Variants in MBNL2 observed in about 807,000 individuals in gnomAD.
MBNL2 encodes the protein muscleblind like splicing regulator 2.
Under a neutral mutation model 41.9 loss-of-function variants are expected in MBNL2, and 17 were observed. That is an observed-to-expected ratio of 0.41 (90% CI 0.28 to 0.61). MBNL2 has a LOEUF of 0.61. MBNL2 is among the 20% of genes least tolerant of loss of function. The probability of loss-of-function intolerance (pLI) is 0.35; values close to 1 mark genes in which losing one functional copy is unlikely to be tolerated. For missense variants in MBNL2, 336 were observed against 505.6 expected (o/e 0.66, Z 3.22); for synonymous variants, 195 against 182.9 (o/e 1.07, Z -0.53).
chr13:97,223,301 C>T (rs192243602), intron 1 of MBNL2, among the ~76,000 whole-genome samples: 1 of 152,346 alleles, frequency 6.6e-6, no homozygotes, highest in Admixed American at 6.5e-5. Flanking sequence ...TGTGTTTTCA[C>T]TATGCCGAAC....
intron 2 of MBNL2, among the ~76,000 whole-genome samples, chr13:97,305,136 AAAT>A (rs2058009059): frequency 6.6e-6 from 1 of 152,250 alleles, no homozygotes; most frequent in Non-Finnish European, 1.5e-5. Flanking sequence ...TAAAAAGGTA[AAAT>A]TCCAGTTAGC....
At chr13:97,206,362 A>C in the MBNL2 span, among the ~76,000 whole-genome samples, 1 of 151,878 alleles carries the variant, frequency 6.6e-6, no homozygotes, top group Admixed American at 6.6e-5. Flanking sequence ...ATATATTAAG[A>C]TCTCTCAGCT....
At chr13:97,248,715 C>G (rs977343855) in intron 1 of MBNL2, among the ~76,000 whole-genome samples, 1 of 152,152 alleles carries the variant, frequency 6.6e-6, no homozygotes, top group African/African-American at 2.4e-5. Flanking sequence ...TTAGAATCCT[C>G]TCTTTCTTCT....
At chr13:97,205,273 C>T in the MBNL2 span, among the ~76,000 whole-genome samples, 6 of 149,216 alleles carry the variant, frequency 4.0e-5, no homozygotes, top group Admixed American at 4.0e-4. Context: ...TGCCTGTAAT[C>T]CCAGCTACTC....
At chr13:97,222,000 A>C (rs2040900389), upstream of MBNL2, among the ~76,000 whole-genome samples, 1 of 152,162 alleles carries the variant, frequency 6.6e-6, no homozygotes, top group African/African-American at 2.4e-5. Context: ...GAATCTGCGG[A>C]GTTTCACATT....
chr13:97,184,800 C>T, the MBNL2 span, among the ~76,000 whole-genome samples: 1,423 of 152,258 alleles, frequency 9.3e-3, 20 homozygotes, highest in African/African-American at 0.033. Flanking sequence ...TCCATTTTCA[C>T]TGTTTTCACC....
At chr13:97,260,169 C>T (rs2048335253) in intron 1 of MBNL2, among the ~76,000 whole-genome samples, 1 of 152,158 alleles carries the variant, frequency 6.6e-6, no homozygotes, top group African/African-American at 2.4e-5. Flanking sequence ...AGGCTGACCT[C>T]CAAGCTATGT....
chr13:97,249,234 T>C (rs1047247112), intron 1 of MBNL2, among the ~76,000 whole-genome samples: 9 of 152,196 alleles, frequency 5.9e-5, no homozygotes, highest in Admixed American at 1.3e-4. Context: ...CTTGCTTGCA[T>C]TTTAAGATGT....
chr13:97,245,494 G>A (rs542415810), intron 1 of MBNL2, among the ~76,000 whole-genome samples: 29 of 152,262 alleles, frequency 1.9e-4, no homozygotes, highest in Admixed American at 1.6e-3. Flanking sequence ...TTATGTTGCT[G>A]GTAACAATGT....
chr13:97,158,376 T>G, the MBNL2 span, among the ~76,000 whole-genome samples: 1 of 152,062 alleles, frequency 6.6e-6, no homozygotes, highest in African/African-American at 2.4e-5. Context: ...TTTGAAGGGT[T>G]TTTTGTGTCT....
At chr13:97,226,793 C>G (rs2041670791) in intron 1 of MBNL2, among the ~76,000 whole-genome samples, 1 of 151,998 alleles carries the variant, frequency 6.6e-6, no homozygotes, top group Non-Finnish European at 1.5e-5. Flanking sequence ...CTACTGAGAG[C>G]AATTTCTGAG....
At chr13:97,173,407 G>A in the MBNL2 span, among the ~76,000 whole-genome samples, 1 of 152,216 alleles carries the variant, frequency 6.6e-6, no homozygotes, top group Admixed American at 6.5e-5. Flanking sequence ...CACTATGCAG[G>A]AAGGAGGCTG....
intron 1 of MBNL2, among the ~76,000 whole-genome samples, chr13:97,250,034 T>C (rs1374455040): frequency 6.6e-6 from 1 of 152,236 alleles, no homozygotes; most frequent in Non-Finnish European, 1.5e-5. Context: ...TTGGTTCTTC[T>C]TTCTCAGCTT....
the MBNL2 span, among the ~76,000 whole-genome samples, chr13:97,199,320 C>T: frequency 2.0e-5 from 3 of 152,070 alleles, no homozygotes. Flanking sequence ...CTATCTTAGC[C>T]TTATTTTTTC....
the MBNL2 span, among the ~76,000 whole-genome samples, chr13:97,157,342 A>G: frequency 6.8e-6 from 1 of 146,840 alleles, no homozygotes; most frequent in Non-Finnish European, 1.5e-5. Flanking sequence ...ATCTGCAAAC[A>G]GGGACAAATT....
the MBNL2 span, among the ~76,000 whole-genome samples, chr13:97,203,871 TG>T: frequency 2.4e-5 from 3 of 126,754 alleles, no homozygotes; most frequent in Non-Finnish European, 5.3e-5. Context: ...GAATGATAAG[TG>T]AATGGATGGA....
chr13:97,259,592 C>T (rs986902747), intron 1 of MBNL2, among the ~76,000 whole-genome samples: 1 of 152,200 alleles, frequency 6.6e-6, no homozygotes, highest in Admixed American at 6.5e-5. Flanking sequence ...GGCCTGCTGA[C>T]AAATCTAGGC....
intron 8 of MBNL2, among the ~76,000 whole-genome samples, chr13:97,380,173 T>A (rs1419616893): frequency 6.6e-6 from 1 of 152,232 alleles, no homozygotes; most frequent in Non-Finnish European, 1.5e-5. Flanking sequence ...CATATCTTTA[T>A]ATCTTCTCTC....
chr13:97,224,872 T>C (rs948587470), intron 1 of MBNL2, among the ~76,000 whole-genome samples: 35 of 152,248 alleles, frequency 2.3e-4, no homozygotes, highest in African/African-American at 8.0e-4. Context: ...TTTGCATTTT[T>C]TCCATCGATC....
Sources: allele counts gnomAD v4.1 joint callset (sites outside exome capture counted in the v4.1 genomes callset), GRCh38; gene constraint gnomAD v4.1.1; transcripts MANE v1.5; gene names NCBI Gene and HGNC (gene_info 2026-07-23, HGNC 2026-07-21).